CHD5: variants seen among roughly 807,000 people sequenced by gnomAD.
CHD5 encodes the protein chromodomain helicase DNA binding protein 5.
A neutral mutation model predicts 230.3 loss-of-function variants in CHD5; 69 were observed. The observed-to-expected ratio is 0.30, with a 90% confidence interval of 0.25 to 0.37. The LOEUF (loss-of-function observed/expected upper bound fraction) is 0.37, where lower values mean the gene tolerates loss of function less well. Ranked by LOEUF, CHD5 falls within the 10% of genes least tolerant of loss-of-function variation. CHD5 has a pLI of 1.00. For missense variants in CHD5, 1,827 were observed against 2,622.8 expected (o/e 0.70, Z 6.63); for synonymous variants, 1,064 against 1,065.9 (o/e 1.00, Z 0.03).
Position 6,128,819 on chromosome 1 carries a change from C to A in CHD5, c.3619+19G>T. 1 of 1,598,016 alleles carries A rather than the reference C, an allele frequency of 6.3e-7. No homozygotes were observed. Among genetic ancestry groups the A allele is most frequent in the Non-Finnish European group, 8.6e-7 (1 of 1,167,306 alleles). ...GCCACCCCAGTCCCCTGCCACGCTC[C>A]CTCGGAACAGAGGCCCACCCTCCAC... is the stretch of plus-strand genomic sequence containing the variant. On this transcript the variant is annotated intron_variant, in intron 23 of 41. Coordinates refer to ENST00000262450, the MANE Select transcript of CHD5 (RefSeq NM_015557.3). This position sits in a 1 kb window ranked among gnomAD's most constrained non-coding sequence, Gnocchi z 7.8.
At chr1:6,163,090 C>T (rs567023739) in intron 2 of CHD5, among the ~76,000 whole-genome samples, 158 of 152,350 alleles carry the variant, frequency 1.0e-3, no homozygotes, top group Middle Eastern at 3.4e-3. Context: ...TGACAGGGCT[C>T]GCCCAGCGTC....
intron 2 of CHD5, among the ~76,000 whole-genome samples, chr1:6,164,476 G>A (rs536670751): frequency 3.3e-5 from 5 of 152,226 alleles, no homozygotes; most frequent in Non-Finnish European, 7.3e-5. Context: ...TCCGGCTGCA[G>A]CCCGGTTATT....
chr1:6,172,993 A>G lies in CHD5; in HGVS notation c.80-4716T>C, dbSNP rs899645240. Among the ~76,000 whole-genome samples, 7 of 152,138 alleles carry G rather than the reference A, an allele frequency of 4.6e-5. No homozygotes were observed. The East Asian group carries it at 1.4e-3, about 29-fold the overall frequency. ...TTGAAGGATTTGCAGGGGCCAAGCC[A>G]GGAGCTGGGACGAGAACACCATCAC... On this transcript the variant is annotated intron_variant, in intron 1 of 41. Coordinates refer to ENST00000262450, the MANE Select transcript of CHD5 (RefSeq NM_015557.3).
chr1:6,178,501 G>T (rs1185217371), intron 1 of CHD5, among the ~76,000 whole-genome samples: 1 of 152,088 alleles, frequency 6.6e-6, no homozygotes, highest in African/African-American at 2.4e-5. Flanking sequence ...CCTCCTAGGT[G>T]GAAAATGGCC....
Position 6,106,322 on chromosome 1 carries a change from C to T in CHD5, c.5858-35G>A, listed in dbSNP as rs370008580. ...AAAGAGGAGAGCCGGGCTTGCCTGA[C>T]GTTGGCAGCAGCAGGCAGGCCGGGC... On this transcript the variant is annotated intron_variant, in intron 40 of 41. Coordinates refer to ENST00000262450, the MANE Select transcript of CHD5 (RefSeq NM_015557.3). The T allele has an allele frequency of 6.3e-5, 102 of 1,612,690 alleles. No individual in the cohort carries two copies. In the East Asian group the frequency reaches 7.8e-4, roughly 12 times the overall value.
intron 2 of CHD5, among the ~76,000 whole-genome samples, chr1:6,163,612 G>A (rs548492394): frequency 3.9e-5 from 6 of 152,344 alleles, no homozygotes; most frequent in African/African-American, 7.2e-5. Flanking sequence ...AGCAGGACCT[G>A]GAGGGACGGA....
At position 6,134,540 on chromosome 1, in the gene CHD5, C is replaced by T. The variant is rs1249012218; in HGVS notation, c.3012+178G>A. On this transcript the variant is annotated intron_variant, in intron 19 of 41. Coordinates refer to ENST00000262450, the MANE Select transcript of CHD5 (RefSeq NM_015557.3). This position sits in a 1 kb window ranked among gnomAD's most constrained non-coding sequence, Gnocchi z 6.3. ...TCCACGGTAAGTTCCCCAGCACCTACCAGAGTGGCCACAGGCAACCTTCCA... is the reference window on the plus strand; with the variant it reads ...TCCACGGTAAGTTCCCCAGCACCTATCAGAGTGGCCACAGGCAACCTTCCA... Among the ~76,000 whole-genome samples the T allele has an allele frequency of 1.3e-5, 2 of 152,186 alleles. No homozygotes were observed. The highest frequency in any genetic ancestry group is 2.9e-5 in the Non-Finnish European group (2 of 68,014).
chr1:6,173,739 G>C (rs1012087660), intron 1 of CHD5, among the ~76,000 whole-genome samples: 2 of 152,200 alleles, frequency 1.3e-5, no homozygotes, highest in Non-Finnish European at 2.9e-5. Flanking sequence ...GCAGAGGGCA[G>C]CGGTCTCTAG....
intron 2 of CHD5, among the ~76,000 whole-genome samples, chr1:6,166,637 C>G (rs1435181944): frequency 1.3e-5 from 2 of 152,228 alleles, no homozygotes; most frequent in Admixed American, 1.3e-4. Flanking sequence ...ACACCCAGAC[C>G]AGAAAAGGAA....
intron 2 of CHD5, among the ~76,000 whole-genome samples, chr1:6,160,804 G>A (rs371435861): frequency 6.6e-6 from 1 of 152,328 alleles, no homozygotes; most frequent in South Asian, 2.1e-4. Flanking sequence ...GCAGAAAATG[G>A]CCCATTTATA....
chr1:6,153,291 G>A (rs1167183449), intron 5 of CHD5, among the ~76,000 whole-genome samples: 2 of 152,250 alleles, frequency 1.3e-5, no homozygotes, highest in African/African-American at 4.8e-5. Flanking sequence ...AGCAGCTGGA[G>A]CGCGAGAGGA....
At chr1:6,150,318 TGGATGGATG>T (rs1459605632) in intron 7 of CHD5, among the ~76,000 whole-genome samples, 2 of 137,532 alleles carry the variant, frequency 1.5e-5, no homozygotes, top group African/African-American at 5.6e-5. Flanking sequence ...GACAAGTGGA[TGGATGGATG>T]GGATGGATGA....
At chr1:6,178,242 G>C (rs946118744) in intron 1 of CHD5, among the ~76,000 whole-genome samples, 1 of 152,096 alleles carries the variant, frequency 6.6e-6, no homozygotes, top group Non-Finnish European at 1.5e-5. Flanking sequence ...CGCCTCTCTG[G>C]CCCAAGCAGT....
rs1163977083 is a variant in CHD5, at chr1:6,154,134, G to A, written c.745+526C>T. On this transcript the variant is annotated intron_variant, in intron 5 of 41. Coordinates refer to ENST00000262450, the MANE Select transcript of CHD5 (RefSeq NM_015557.3). The surrounding 1 kb of genome is among the most constrained non-coding windows in gnomAD (Gnocchi z 7.0). ...TCCCTCCAACTCCTGCCTGCTTCCC[G>A]GATCCTAAAGCTGGAGGGGCAGGGC... Among the ~76,000 whole-genome samples the A allele has an allele frequency of 2.0e-5, 3 of 152,136 alleles. No homozygotes were observed. The highest frequency in any genetic ancestry group is 4.4e-5 in the Non-Finnish European group (3 of 68,028).
At chr1:6,177,708 C>T (rs75896636) in intron 1 of CHD5, among the ~76,000 whole-genome samples, 1 of 152,184 alleles carries the variant, frequency 6.6e-6, no homozygotes, top group African/African-American at 2.4e-5. Context: ...TCATAACATT[C>T]GAGCTGGGAC....
chr1:6,160,630 C>T (rs1021482990), intron 2 of CHD5, among the ~76,000 whole-genome samples: 1 of 152,286 alleles, frequency 6.6e-6, no homozygotes, highest in Non-Finnish European at 1.5e-5. Flanking sequence ...GCAGGCACAT[C>T]ACAGTTTTCT....
rs772078219 is a variant in CHD5, at chr1:6,124,675, G to T, written c.4395-14C>A. ...GACACATAGGCTCTGGGGTGGGGGGGGGGGACTGGGGCTCAGGGAGTGGGG... is the reference window on the plus strand; with the variant it reads ...GACACATAGGCTCTGGGGTGGGGGGTGGGGACTGGGGCTCAGGGAGTGGGG... On this transcript the variant is annotated splice_polypyrimidine_tract_variant and intron_variant, in intron 29 of 41. Coordinates refer to ENST00000262450, the MANE Select transcript of CHD5 (RefSeq NM_015557.3). 7 of 773,258 alleles carry T rather than the reference G, an allele frequency of 9.1e-6. 1 individual carries two copies. Among genetic ancestry groups the T allele is most frequent in the African/African-American group, 3.5e-5 (2 of 56,636 alleles). The allele number at this position is 773,258 out of a possible 1,614,324, so 47.9% of individuals were successfully genotyped here.
chr1:6,116,794 G>T (rs1176213136), intron 33 of CHD5, among the ~76,000 whole-genome samples: 2 of 152,202 alleles, frequency 1.3e-5, no homozygotes, highest in Admixed American at 1.3e-4. Context: ...CACCATTAAA[G>T]GTGTACTTTA....
At chr1:6,166,766 C>T (rs1467126710) in intron 2 of CHD5, among the ~76,000 whole-genome samples, 1 of 152,108 alleles carries the variant, frequency 6.6e-6, no homozygotes, top group East Asian at 1.9e-4. Flanking sequence ...GGACCCTCGC[C>T]CCCCACCACC....
Sources: gnomAD v4.1 joint callset for allele counts (sites outside exome capture counted in the v4.1 genomes callset) on GRCh38, gnomAD v4.1.1 for gene constraint, Gnocchi (gnomAD v3.1) non-coding constraint, MANE v1.5 for transcripts, NCBI Gene and HGNC (gene_info 2026-07-23, HGNC 2026-07-21) for gene names.